SLC12A4: variants seen among roughly 807,000 people sequenced by gnomAD.
SLC12A4 encodes the protein electroneutral potassium-chloride cotransporter 1.
In SLC12A4, 84 loss-of-function variants were observed where a neutral mutation model predicts 119.2. That is an observed-to-expected ratio of 0.70 (90% CI 0.59 to 0.85). SLC12A4 has a LOEUF of 0.85. Ranked by LOEUF, SLC12A4 falls within the 40% of genes least tolerant of loss-of-function variation. The pLI, the probability that SLC12A4 is intolerant of heterozygous loss-of-function variation, is 0.00. For synonymous variants in SLC12A4, 599 were observed against 604.6 expected, an observed-to-expected ratio of 0.99 and a Z score of 0.14; for missense variants, 1,298 against 1,476.3, an observed-to-expected ratio of 0.88 and a Z score of 1.98.
At position 67,952,418 on chromosome 16, in the gene SLC12A4, A is replaced by C; in HGVS notation, c.683T>G (p.Ile228Ser). ...GTAAAAAATGGCAGCTGGTGGGGCAATGTAGGTCTGAAACAAGAAGATGGA... is the reference window on the plus strand; with the variant it reads ...GTAAAAAATGGCAGCTGGTGGGGCACTGTAGGTCTGAAACAAGAAGATGGA... ...LGAIEILLTY[I>S]APPAAIFYPS... Residue 228 changes from isoleucine (I) to serine (S), a missense_variant, in exon 7 of 24, where the codon ATT becomes AGT. Physicochemically the swap from Ile to Ser is moderately radical, Grantham distance 142. Coordinates refer to ENST00000316341, the MANE Select transcript of SLC12A4 (RefSeq NM_005072.5). The C allele has an allele frequency of 6.2e-7, 1 of 1,614,080 alleles. No homozygotes were observed.
At position 67,968,476 on chromosome 16, in the gene SLC12A4, C is replaced by T; in HGVS notation, c.78G>A (p.Val26=). The T allele has an allele frequency of 6.3e-7, 1 of 1,586,136 alleles. No homozygotes were observed. The highest frequency in any genetic ancestry group is 1.7e-4 in the Middle Eastern group (1 of 5,988). ...CCAGCTCGGCGCGCTCCCCGTAGTC[C>T]ACCCAACTGAGCCCCTCGAGGTTGT... ...DYDNLEGLSW[V]DYGERAELDD... Residue 26 remains valine, a synonymous_variant, in exon 1 of 24, where the codon GTG becomes GTA. Coordinates refer to ENST00000316341, the MANE Select transcript of SLC12A4 (RefSeq NM_005072.5).
intron 5 of SLC12A4, 169 bp downstream of exon 5, chr16:67,957,573 A>G: frequency 1.4e-6 from 1 of 689,972 alleles, no homozygotes. Context: ...GCACTCTCCA[A>G]CTCTGTCAAG....
intron 6 of SLC12A4, 150 bp downstream of exon 6, chr16:67,954,492 TA>T: frequency 1.1e-6 from 1 of 944,170 alleles, no homozygotes; most frequent in Non-Finnish European, 1.6e-6. Flanking sequence ...CCAGCCTGAG[TA>T]AAGGTCTTTG....
rs60295154 is a variant in SLC12A4, at chr16:67,947,185, C to T, written c.2073-80G>A. On this transcript the variant is annotated intron_variant, in intron 16 of 23. Transcript: ENST00000316341. ...CCCTCCTCTTCTTCCCTTCTCGGGT[C>T]GTGGTCCCTGCAGGTTTGGGTAGCA... 4.0e-5 allele frequency: 61 copies of T among 1,521,090 alleles called. No homozygotes were observed. In the East Asian group the frequency reaches 7.9e-4, roughly 20 times the overall value. 94.2% of individuals were successfully genotyped at this position (1,521,090 alleles called of 1,614,324 possible).
Position 67,951,271 on chromosome 16 carries a change from T to A in SLC12A4, c.1166A>T (p.Asp389Val). The A allele has an allele frequency of 6.2e-7, 1 of 1,613,990 alleles. No homozygotes were observed. Among genetic ancestry groups the A allele is most frequent in the Non-Finnish European group, 8.5e-7 (1 of 1,179,946 alleles). ...GGGCAGCCCATGCTTCTCCACGATG[T>A]CACCCTTCTCCAGGTAGGCGCTCCA... is the stretch of plus-strand genomic sequence containing the variant. ...NLWSAYLEKG[D>V]IVEKHGLPSA... The change falls in exon 9 of 24, where the codon GAC (aspartate) becomes GTC (valine). Residue 389 changes from aspartate to valine, a missense_variant. Coordinates refer to ENST00000316341, the MANE Select transcript of SLC12A4 (RefSeq NM_005072.5). This position sits in a 1 kb window ranked among gnomAD's most constrained non-coding sequence, Gnocchi z 5.2.
Position 67,946,223 on chromosome 16 carries a change from A to G in SLC12A4, c.2555T>C (p.Val852Ala). 1 of 1,613,950 alleles carries G rather than the reference A, an allele frequency of 6.2e-7. No homozygotes were observed. The highest frequency in any genetic ancestry group is 1.1e-5 in the South Asian group (1 of 91,092). ...LEGHIDVWWI[V>A]HDGGMLMLLP... ...AAGCATGAGCATGCCACCATCGTGC[A>G]CGATCCACCACACGTCTATGTGGCC... is the stretch of plus-strand genomic sequence containing the variant. Residue 852 changes from valine (V) to alanine (A), a missense_variant, in exon 19 of 24, where the codon GTG becomes GCG. Physicochemically the swap from Val to Ala is moderately conservative, Grantham distance 64 (BLOSUM62 0). Coordinates refer to ENST00000316341, the MANE Select transcript of SLC12A4 (RefSeq NM_005072.5).
intron 1 of SLC12A4, among the ~76,000 whole-genome samples, chr16:67,968,130 T>C (rs1225065856): frequency 6.6e-6 from 1 of 152,052 alleles, no homozygotes; most frequent in Non-Finnish European, 1.5e-5. Context: ...GTCTCGGCCC[T>C]GTCCCCAAGC....
In SLC12A4 at chr16:67,961,573, A is replaced by G. The variant is rs2030572152; in HGVS notation, c.342+2T>C. ...GCCCCTCTGCCGCCCCAACCAGCTC[A>G]CCTCGGCTGCCCTCCGGCGGGTGCC... On this transcript the variant is annotated splice_donor_variant, in intron 3 of 23. Coordinates refer to ENST00000316341, the MANE Select transcript of SLC12A4 (RefSeq NM_005072.5). LOFTEE classifies it high-confidence loss of function. The G allele has an allele frequency of 6.2e-7, 1 of 1,612,588 alleles. No individual in the cohort carries two copies. Among genetic ancestry groups the G allele is most frequent in the Non-Finnish European group, 8.5e-7 (1 of 1,179,914 alleles).
intron 5 of SLC12A4, among the ~76,000 whole-genome samples, chr16:67,957,270 C>T (rs1271959634): frequency 1.3e-5 from 2 of 151,326 alleles, no homozygotes; most frequent in South Asian, 2.1e-4. Flanking sequence ...GCCAGGTTCA[C>T]GCCATTCTCC....
rs1374294298 is a variant in SLC12A4, at chr16:67,944,905, C to T, written c.3193G>A (p.Glu1065Lys). 9 of 1,613,340 alleles carry T rather than the reference C, an allele frequency of 5.6e-6. 1 individual carries two copies. The South Asian group carries it at 6.6e-5, about 12-fold the overall frequency. ...ACCAACAGCACCCGCTCAAGGCCCT[C>T]GGTCAGCACCTCGAGGAACTCCATG... is the stretch of plus-strand genomic sequence containing the variant. ...NYMEFLEVLTEGLERVLLVRG... is the reference protein window; with the variant it reads ...NYMEFLEVLTKGLERVLLVRG... Residue 1065 changes from glutamate (E) to lysine (K), a missense_variant, in exon 24 of 24, where the codon GAG (glutamate) becomes AAG (lysine). By Grantham distance (56) the Glu-to-Lys change is moderately conservative. Coordinates refer to ENST00000316341, the MANE Select transcript of SLC12A4 (RefSeq NM_005072.5). This position sits in a 1 kb window ranked among gnomAD's most constrained non-coding sequence, Gnocchi z 6.6.
rs141719977 is a variant in SLC12A4, at chr16:67,949,222, G to A, written c.1748+578C>T. On this transcript the variant is annotated intron_variant, in intron 13 of 23. Transcript: ENST00000316341. The surrounding 1 kb of genome is among the most constrained non-coding windows in gnomAD (Gnocchi z 4.6). ...CCCAGCACTTTGGGAGGCCGAGCCA[G>A]GTGGATCATCTGACGTCAGGAGTTC... Among the ~76,000 whole-genome samples the A allele has an allele frequency of 1.6e-4, 24 of 152,302 alleles. No individual in the cohort carries two copies. In the East Asian group the frequency reaches 4.4e-3, roughly 28 times the overall value.
At chr16:67,964,514 G>A (rs2030773212) in intron 1 of SLC12A4, among the ~76,000 whole-genome samples, 1 of 152,018 alleles carries the variant, frequency 6.6e-6, no homozygotes, top group African/African-American at 2.4e-5. Flanking sequence ...CCAAGCACTC[G>A]TTTTCTAGGT....
Position 67,957,749 on chromosome 16 carries a change from C to T in SLC12A4, c.537G>A (p.Val179=). The change falls in exon 5 of 24, where the codon GTG becomes GTA. Residue 179 remains valine (V), a synonymous_variant. Coordinates refer to ENST00000316341, the MANE Select transcript of SLC12A4 (RefSeq NM_005072.5). ...TGGGTGGCGCTCACTGACCTGGAAC[C>T]ACACCGTTGGTGGCGATGGCACTCA... is the stretch of plus-strand genomic sequence containing the variant. ...ISMSAIATNG[V]VPAGGSYFMI... 6.2e-7 allele frequency: 1 copy of T among 1,613,410 alleles called. No homozygotes were observed. The highest frequency in any genetic ancestry group is 8.5e-7 in the Non-Finnish European group (1 of 1,180,034).
At chr16:67,956,236 C>A (rs966549428) in intron 5 of SLC12A4, among the ~76,000 whole-genome samples, 1 of 152,076 alleles carries the variant, frequency 6.6e-6, no homozygotes, top group Middle Eastern at 3.2e-3. Flanking sequence ...ACCTCCAGGA[C>A]CCTCTCCTAA....
intron 3 of SLC12A4, among the ~76,000 whole-genome samples, chr16:67,960,688 G>A (rs2030516900): frequency 6.6e-6 from 1 of 151,478 alleles, no homozygotes; most frequent in African/African-American, 2.4e-5. Context: ...TGGAGAGGGA[G>A]GGTCCCTAGC....
At chr16:67,948,235 C>T (rs1015048641) in intron 13 of SLC12A4, 76 bp from the exon 14 acceptor site, 3 of 1,439,440 alleles carry the variant, frequency 2.1e-6, no homozygotes, top group Non-Finnish European at 2.9e-6. Context: ...GGGCCTGGCC[C>T]AGAAACGGGG....
At position 67,954,636 on chromosome 16, in the gene SLC12A4, G is replaced by A. The variant is rs2030145613; in HGVS notation, c.675+7C>T. On this transcript the variant is annotated splice_region_variant and intron_variant, in intron 6 of 23. Coordinates refer to ENST00000316341, the MANE Select transcript of SLC12A4 (RefSeq NM_005072.5). ...GCCAGAGTTGGCCAGGGCTCAGCCT[G>A]ACTCACCAGCAAGATCTCGATGGCC... The A allele has an allele frequency of 1.2e-6, 2 of 1,614,040 alleles. No homozygotes were observed. The highest frequency in any genetic ancestry group is 1.7e-6 in the Non-Finnish European group (2 of 1,180,012).
At chr16:67,962,680 A>T (rs1466034525) in intron 2 of SLC12A4, 5 of 152,156 alleles carry the variant, frequency 3.3e-5, no homozygotes. Context: ...GTCTCTAAAA[A>T]CACAAAAATT....
Position 67,943,533 on chromosome 16 carries a change from A to G in SLC12A4, c.*1307T>C. The G allele has an allele frequency of 2.0e-6, 1 of 498,750 alleles. No individual in the cohort carries two copies. The highest frequency in any genetic ancestry group is 3.7e-6 in the Non-Finnish European group (1 of 271,960). The allele number at this position is 498,750 out of a possible 1,614,324, so 30.9% of individuals were successfully genotyped here. On this transcript the variant is annotated 3_prime_UTR_variant, in exon 24 of 24. Coordinates refer to ENST00000316341, the MANE Select transcript of SLC12A4 (RefSeq NM_005072.5). This position sits in a 1 kb window ranked among gnomAD's most constrained non-coding sequence, Gnocchi z 4.6. ...GGTGGGAACAGATAGGTCTGGGGGC[A>G]TGGGGGCTGGGCCTAATAGGGGCCG...
Sources: allele counts gnomAD v4.1 joint callset (sites outside exome capture counted in the v4.1 genomes callset), GRCh38; gene constraint gnomAD v4.1.1; non-coding constraint Gnocchi (gnomAD v3.1); transcripts MANE v1.5; gene names NCBI Gene and HGNC (gene_info 2026-07-23, HGNC 2026-07-21).